Variants in PIM1 observed in about 807,000 individuals in gnomAD.
PIM1 encodes serine/threonine-protein kinase pim-1.
PIM1 carries 9 observed loss-of-function variants against 34.5 expected under a neutral mutation model. That is an observed-to-expected ratio of 0.26 (90% CI 0.16 to 0.46). The LOEUF (loss-of-function observed/expected upper bound fraction) is 0.46. Among genes scored for constraint, PIM1 ranks in the 20% least tolerant of loss-of-function variants. The pLI, the probability that PIM1 is intolerant of heterozygous loss-of-function variation, is 1.00. For synonymous variants in PIM1, 199 were observed against 175.2 expected (o/e 1.14, Z -1.07); for missense variants, 274 against 410.9 (o/e 0.67, Z 2.88).
chr6:37,174,091 G>A lies in PIM1; in HGVS notation c.942G>A (p.Ter314=). ...GCCTGTCGCCGGGGCCCAGCAAATA[G>A]CAGCCTTTCTGGCAGGTCCTCCCCT... ...LHSLSPGPSK[*] The change falls in exon 6 of 6, where the codon TAG becomes TAA. Residue 314 remains the stop codon, a stop_retained_variant. Transcript: ENST00000373509. The A allele has an allele frequency of 5.6e-6, 9 of 1,611,876 alleles. No individual in the cohort carries two copies. Among genetic ancestry groups the A allele is most frequent in the Non-Finnish European group, 6.8e-6 (8 of 1,179,002 alleles).
In PIM1 at chr6:37,171,089, G is replaced by A. The variant is rs746683813; in HGVS notation, c.241-36G>A. On this transcript the variant is annotated intron_variant, in intron 3 of 5. Transcript: ENST00000373509. ...AGTGGGTGGGGTGAGGGGCGCCCCC[G>A]ACTCCCGCCCTAACGCGGCCCCCTC... 5.6e-6 allele frequency: 9 copies of A among 1,613,720 alleles called. No homozygotes were observed. The Admixed American group carries it at 1.2e-4, about 21-fold the overall frequency.
Position 37,171,473 on chromosome 6 carries a change from G to A in PIM1, c.589G>A (p.Val197Ile). The change falls in exon 4 of 6, where the codon GTC (valine) becomes ATC (isoleucine). Residue 197 changes from valine (V) to isoleucine (I), a missense_variant. Val to Ile is a conservative substitution (Grantham distance 29). Around this residue, in one of 2 missense-constraint regions of PIM1, gnomAD observed 168 missense variants for 299.4 expected, o/e 0.56. Coordinates refer to ENST00000373509, the MANE Select transcript of PIM1 (RefSeq NM_002648.4). ...GTCGGGGGCGCTGCTCAAGGACACC[G>A]TCTACACGGACTTCGATGGTGAGCC... Reference protein sequence around the residue: ...FGSGALLKDTVYTDFDGTRVY... With the variant: ...FGSGALLKDTIYTDFDGTRVY... 1.2e-6 allele frequency: 2 copies of A among 1,613,456 alleles called. No individual in the cohort carries two copies. The highest frequency in any genetic ancestry group is 1.7e-6 in the Non-Finnish European group (2 of 1,179,980).
Position 37,170,753 on chromosome 6 carries a change from C to G in PIM1, c.83-20C>G. Reference sequence around the variant, plus strand: ...GGCTCGCGGGCCGGCACTGAGTCCCCGTGCTTCCCCCTTTCCTAGGCAAGG... The same window carrying G: ...GGCTCGCGGGCCGGCACTGAGTCCCGGTGCTTCCCCCTTTCCTAGGCAAGG... On this transcript the variant is annotated intron_variant, in intron 1 of 5. Coordinates refer to ENST00000373509, the MANE Select transcript of PIM1 (RefSeq NM_002648.4). 6.2e-7 allele frequency: 1 copy of G among 1,610,676 alleles called. No homozygotes were observed. The highest frequency in any genetic ancestry group is 1.1e-5 in the South Asian group (1 of 91,000).
At position 37,174,933 on chromosome 6, in the gene PIM1, A is replaced by T; in HGVS notation, c.*842A>T. The T allele has an allele frequency of 4.3e-6, 1 of 233,646 alleles. No individual in the cohort carries two copies. The highest frequency in any genetic ancestry group is 6.0e-5 in the East Asian group (1 of 16,596). 14.5% of individuals were successfully genotyped at this position (233,646 alleles called of 1,614,324 possible). On this transcript the variant is annotated 3_prime_UTR_variant, in exon 6 of 6. Transcript: ENST00000373509. The stretch of plus-strand genomic sequence containing the variant: ...AGAAATTTTGCCTTTAAGTTATTTT[A>T]CCTGTTTTTGTTTCTTGTTTTGAAA...
Position 37,174,173 on chromosome 6 carries a change from G to A in PIM1, c.*82G>A. 7.4e-7 allele frequency: 1 copy of A among 1,357,628 alleles called. No individual in the cohort carries two copies. The highest frequency in any genetic ancestry group is 1.3e-5 in the South Asian group (1 of 75,078). The allele number at this position is 1,357,628 out of a possible 1,614,324, so 84.1% of individuals were successfully genotyped here. A position where few individuals can be genotyped will look rare whatever the true frequency, so the allele number is the denominator to read the frequency against. ...TCTGTCTCCAGCTTCCCGAGTACCA[G>A]TGACACGTCTCGCCAAGCAGGACAG... On this transcript the variant is annotated 3_prime_UTR_variant, in exon 6 of 6. Transcript: ENST00000373509.
chr6:37,172,905 TTTTA>T, intron 4 of PIM1, 87 bp from the exon 5 acceptor site: 2 of 1,141,492 alleles, frequency 1.8e-6, no homozygotes, highest in Non-Finnish European at 2.6e-6. Context: ...TTTTTTTTTT[TTTTA>T]AAAGAAAGAG....
chr6:37,174,191 C>T lies in PIM1; in HGVS notation c.*100C>T, dbSNP rs1292100540. ...AGTACCAGTGACACGTCTCGCCAAG[C>T]AGGACAGTGCTTGATACAGGAACAA... On this transcript the variant is annotated 3_prime_UTR_variant, in exon 6 of 6. Transcript: ENST00000373509. 5.2e-6 allele frequency: 6 copies of T among 1,152,042 alleles called. No individual in the cohort carries two copies. The highest frequency in any genetic ancestry group is 1.6e-5 in the African/African-American group (1 of 64,372). The allele number at this position is 1,152,042 out of a possible 1,614,324, so 71.4% of individuals were successfully genotyped here. A position where few individuals can be genotyped will look rare whatever the true frequency, so the allele number is the denominator to read the frequency against.
chr6:37,171,560 C>A, intron 4 of PIM1, 69 bp downstream of exon 4: 4 of 1,542,956 alleles, frequency 2.6e-6, no homozygotes, highest in Non-Finnish European at 3.5e-6. Flanking sequence ...GAGGCCTCGG[C>A]CAGTCTCCCG....
At position 37,173,089 on chromosome 6, in the gene PIM1, A is replaced by C; in HGVS notation, c.701A>C (p.Asp234Ala). Residue 234 changes from aspartate to alanine, a missense_variant, in exon 5 of 6, where the codon GAT becomes GCT. Asp to Ala is a moderately radical substitution (Grantham distance 126). This residue lies in a region of PIM1 where 168 missense variants were observed against 299.4 expected (regional missense o/e 0.56). Coordinates refer to ENST00000373509, the MANE Select transcript of PIM1 (RefSeq NM_002648.4). ...AVWSLGILLY[D>A]MVCGDIPFEH... The stretch of plus-strand genomic sequence containing the variant: ...TGGTCCCTGGGGATCCTGCTGTATG[A>C]TATGGTGTGTGGAGATATTCCTTTC... 1 of 1,614,028 alleles carries C rather than the reference A, an allele frequency of 6.2e-7. No individual in the cohort carries two copies. Among genetic ancestry groups the C allele is most frequent in the South Asian group, 1.1e-5 (1 of 91,074 alleles).
rs1330360861 is a variant in PIM1, at chr6:37,170,451, G to T, written c.-125G>T. On this transcript the variant is annotated 5_prime_UTR_variant, in exon 1 of 6. Coordinates refer to ENST00000373509, the MANE Select transcript of PIM1 (RefSeq NM_002648.4). ...TTCCGCGCCAGCCGCAGCCACAGCC[G>T]CAACGCCACCCGCAGCCACAGCCAC... The T allele has an allele frequency of 3.2e-6, 5 of 1,547,602 alleles. No individual in the cohort carries two copies. The South Asian group carries it at 3.5e-5, about 11-fold the overall frequency.
Position 37,170,311 on chromosome 6 carries a change from C to T in PIM1, c.-265C>T, listed in dbSNP as rs745431220. On this transcript the variant is annotated 5_prime_UTR_variant, in exon 1 of 6. The change creates a new upstream start codon in the 5' untranslated region. Coordinates refer to ENST00000373509, the MANE Select transcript of PIM1 (RefSeq NM_002648.4). Reference sequence around the variant, plus strand: ...CCTCCTGCCCCGCGGCGCTGCCGCACGAGCCCCACGAGCCGCTCACCCCGC... The same window carrying T: ...CCTCCTGCCCCGCGGCGCTGCCGCATGAGCCCCACGAGCCGCTCACCCCGC... 5 of 1,444,082 alleles carry T rather than the reference C, an allele frequency of 3.5e-6. No individual in the cohort carries two copies. Among genetic ancestry groups the T allele is most frequent in the Non-Finnish European group, 4.5e-6 (5 of 1,102,330 alleles). 89.5% of individuals were successfully genotyped at this position (1,444,082 alleles called of 1,614,324 possible).
rs904093017 is a variant in PIM1, at chr6:37,170,215, G to A, written c.-361G>A. 3.2e-6 allele frequency: 4 copies of A among 1,260,302 alleles called. No individual in the cohort carries two copies. The highest frequency in any genetic ancestry group is 4.0e-6 in the Non-Finnish European group (4 of 996,686). 78.1% of individuals were successfully genotyped at this position (1,260,302 alleles called of 1,614,324 possible). On this transcript the variant is annotated 5_prime_UTR_variant, in exon 1 of 6. Coordinates refer to ENST00000373509, the MANE Select transcript of PIM1 (RefSeq NM_002648.4). ...GGCCGCGGTGGCTGAGGAGGCCCGA[G>A]AGGAGTCGGTGGCAGCGGCGGCGGC...
At position 37,170,269 on chromosome 6, in the gene PIM1, G is replaced by GCAGCAA. The variant is rs1382357075; in HGVS notation, c.-302_-301insACAGCA. 1.5e-6 allele frequency: 2 copies of GCAGCAA among 1,351,720 alleles called. No individual in the cohort carries two copies. The highest frequency in any genetic ancestry group is 3.1e-5 in the African/African-American group (2 of 65,480). 83.7% of individuals were successfully genotyped at this position (1,351,720 alleles called of 1,614,324 possible). On this transcript the variant is annotated 5_prime_UTR_variant, in exon 1 of 6. Coordinates refer to ENST00000373509, the MANE Select transcript of PIM1 (RefSeq NM_002648.4). ...ACCGGCAGCAGCAGCAGCAGCAGCAGCAGCAGCAACCACTAGCCTCCTGCC... is the reference window on the plus strand; with the variant it reads ...ACCGGCAGCAGCAGCAGCAGCAGCAGCAGCAACAGCAGCAACCACTAGCCTCCTGCC...
In PIM1 at chr6:37,174,298, G is replaced by A. The variant is rs1762364577; in HGVS notation, c.*207G>A. On this transcript the variant is annotated 3_prime_UTR_variant, in exon 6 of 6. Transcript: ENST00000373509. ...AAGAGTGACTCTCCAGGGGTCCTAGGCCTCAACTCCTCCCATAGATACTCT... is the reference window on the plus strand; with the variant it reads ...AAGAGTGACTCTCCAGGGGTCCTAGACCTCAACTCCTCCCATAGATACTCT... 1 of 430,736 alleles carries A rather than the reference G, an allele frequency of 2.3e-6. No homozygotes were observed. Among genetic ancestry groups the A allele is most frequent in the South Asian group, 3.2e-5 (1 of 31,178 alleles). The allele number at this position is 430,736 out of a possible 1,614,324, so 26.7% of individuals were successfully genotyped here.
At chr6:37,172,930 C>A in intron 4 of PIM1, 66 bp from the exon 5 acceptor site, 1 of 1,354,948 alleles carries the variant, frequency 7.4e-7, no homozygotes, top group Non-Finnish European at 1.0e-6. Flanking sequence ...TTATATATAC[C>A]ACCCAGCTTC....
intron 4 of PIM1, among the ~76,000 whole-genome samples, chr6:37,172,205 C>T (rs942309058): frequency 6.6e-6 from 1 of 152,102 alleles, no homozygotes; most frequent in African/African-American, 2.4e-5. Context: ...ACCTAACAAA[C>T]GACAGCCTTT....
rs188998450 is a variant in PIM1, at chr6:37,173,810, T to C, written c.785-124T>C. The C allele has an allele frequency of 1.5e-4, 112 of 766,016 alleles. No individual in the cohort carries two copies. In the East Asian group the frequency reaches 1.8e-3, roughly 12 times the overall value. The allele number at this position is 766,016 out of a possible 1,614,324, so 47.5% of individuals were successfully genotyped here. ...TTGAAGGGTACCCAGCACAGTGTTC[T>C]AGAAAATGCTTGGCCTCCCTGGGAC... On this transcript the variant is annotated intron_variant, in intron 5 of 5. Transcript: ENST00000373509.
In PIM1 at chr6:37,174,204, G is replaced by T; in HGVS notation, c.*113G>T. ...CGTCTCGCCAAGCAGGACAGTGCTTGATACAGGAACAACATTTACAACTCA... is the reference window on the plus strand; with the variant it reads ...CGTCTCGCCAAGCAGGACAGTGCTTTATACAGGAACAACATTTACAACTCA... On this transcript the variant is annotated 3_prime_UTR_variant, in exon 6 of 6. Transcript: ENST00000373509. 1 of 1,034,112 alleles carries T rather than the reference G, an allele frequency of 9.7e-7. No homozygotes were observed. Among genetic ancestry groups the T allele is most frequent in the Non-Finnish European group, 1.4e-6 (1 of 716,360 alleles). The allele number at this position is 1,034,112 out of a possible 1,614,324, so 64.1% of individuals were successfully genotyped here.
Position 37,175,018 on chromosome 6 carries a change from C to G in PIM1, c.*927C>G, listed in dbSNP as rs1360285198. On this transcript the variant is annotated 3_prime_UTR_variant, in exon 6 of 6. Transcript: ENST00000373509. Reference sequence around the variant, plus strand: ...ATTTATTTATTTATTTATTTGGTTCCCTTCCTATTCCAAGCTTCCATAGCT... The same window carrying G: ...ATTTATTTATTTATTTATTTGGTTCGCTTCCTATTCCAAGCTTCCATAGCT... 4.3e-6 allele frequency: 1 copy of G among 233,378 alleles called. No individual in the cohort carries two copies. Among genetic ancestry groups the G allele is most frequent in the East Asian group, 6.0e-5 (1 of 16,602 alleles). The allele number at this position is 233,378 out of a possible 1,614,324, so 14.5% of individuals were successfully genotyped here.
Sources: gnomAD v4.1 joint callset for allele counts (sites outside exome capture counted in the v4.1 genomes callset) on GRCh38, gnomAD v4.1.1 for gene constraint, gnomAD v4.1.1 regional missense constraint, MANE v1.5 for transcripts, NCBI Gene and HGNC (gene_info 2026-07-23, HGNC 2026-07-21) for gene names.